Variants in FBXO9 observed in about 807,000 individuals in gnomAD.
FBXO9 encodes F-box protein 9.
Under a neutral mutation model 63.7 loss-of-function variants are expected in FBXO9, and 43 were observed. That is an observed-to-expected ratio of 0.67 (90% CI 0.53 to 0.87). The LOEUF (loss-of-function observed/expected upper bound fraction) is 0.87. Ranked by LOEUF, FBXO9 falls within the 40% of genes least tolerant of loss-of-function variation. FBXO9 has a pLI of 0.00. For synonymous variants in FBXO9, 156 were observed against 171.7 expected (o/e 0.91, Z 0.72); for missense variants, 442 against 533.2 (o/e 0.83, Z 1.68).
In FBXO9 at chr6:53,073,581, C is replaced by G. The variant is rs371936172; in HGVS notation, c.191C>G (p.Ser64Cys). The change falls in exon 3 of 13, where the codon TCT (serine) becomes TGT (cysteine). Residue 64 changes from serine to cysteine, a missense_variant. Transcript: ENST00000323557. ...CGACCTTGCAGAGCAGCAAGAGGCT[C>G]TCTCCAGAAAACATCGGCAGATACC... is the stretch of plus-strand genomic sequence containing the variant. ...ENRPCRAARG[S>C]LQKTSADTKG... The G allele has an allele frequency of 9.1e-5, 147 of 1,610,800 alleles. No homozygotes were observed. The highest frequency in any genetic ancestry group is 1.2e-4 in the South Asian group (11 of 90,444).
At position 53,065,732 on chromosome 6, in the gene FBXO9, G is replaced by A. The variant is rs1247580272; in HGVS notation, c.-58G>A. On this transcript the variant is annotated 5_prime_UTR_variant, in exon 1 of 13. Transcript: ENST00000323557. ...CGGACACCCAGCACCCCTCCTCCGG[G>A]GGGCGGTGCAGAGGGGGCACGGAGA... is the stretch of plus-strand genomic sequence containing the variant. 2.9e-5 allele frequency: 42 copies of A among 1,428,282 alleles called. No individual in the cohort carries two copies. The highest frequency in any genetic ancestry group is 3.8e-5 in the Non-Finnish European group (41 of 1,091,138). 88.5% of individuals were successfully genotyped at this position (1,428,282 alleles called of 1,614,324 possible). A position where few individuals can be genotyped will look rare whatever the true frequency, so the allele number is the denominator to read the frequency against.
At position 53,097,920 on chromosome 6, in the gene FBXO9, G is replaced by GTT. The variant is rs1763257925; in HGVS notation, c.*91_*92insTT. 7.1e-6 allele frequency: 1 copy of GTT among 139,886 alleles called. No homozygotes were observed. The highest frequency in any genetic ancestry group is 4.4e-5 in the African/African-American group (1 of 22,630). The allele number at this position is 139,886 out of a possible 1,614,324, so 8.7% of individuals were successfully genotyped here. On this transcript the variant is annotated 3_prime_UTR_variant, in exon 13 of 13. Coordinates refer to ENST00000323557, the MANE Select transcript of FBXO9 (RefSeq NM_033480.3). ...AAGTTATAAATGTGTGTGTGTGCGTGTGTGTGTATATATATATATATATAT... is the reference window on the plus strand; with the variant it reads ...AAGTTATAAATGTGTGTGTGTGCGTGTTTGTGTGTATATATATATATATATAT...
chr6:53,094,320 C>G (rs1763142763), intron 11 of FBXO9, among the ~76,000 whole-genome samples: 1 of 152,052 alleles, frequency 6.6e-6, no homozygotes, highest in Admixed American at 6.6e-5. Flanking sequence ...CCTAAATTAG[C>G]TCATATAGAT....
intron 7 of FBXO9, 135 bp downstream of exon 7, chr6:53,082,753 T>A (rs1769356271): frequency 1.6e-6 from 1 of 615,164 alleles, no homozygotes; most frequent in East Asian, 2.8e-5. Flanking sequence ...TTTGCTAAGC[T>A]GTACTTAACT....
chr6:53,072,683 C>T (rs1768963260), intron 2 of FBXO9, among the ~76,000 whole-genome samples: 1 of 152,062 alleles, frequency 6.6e-6, no homozygotes, highest in South Asian at 2.1e-4. Flanking sequence ...GGCAACACAC[C>T]AGAGTCTACC....
chr6:53,071,163 T>C lies in FBXO9; in HGVS notation c.90+20T>C, dbSNP rs1480224694. The C allele has an allele frequency of 6.5e-7, 1 of 1,545,894 alleles. No homozygotes were observed. Among genetic ancestry groups the C allele is most frequent in the African/African-American group, 1.4e-5 (1 of 73,050 alleles). ...CTGCAGGCATGTTTCTTCAATTGTG[T>C]CTTTGATTTTTATTCCATTGTTCCC... On this transcript the variant is annotated intron_variant, in intron 2 of 12. Coordinates refer to ENST00000323557, the MANE Select transcript of FBXO9 (RefSeq NM_033480.3).
At chr6:53,094,639 G>T in intron 11 of FBXO9, 1 of 233,374 alleles carries the variant, frequency 4.3e-6, no homozygotes, top group South Asian at 4.1e-5. Flanking sequence ...TACAGCTTTT[G>T]AAGGATATTT....
intron 11 of FBXO9, among the ~76,000 whole-genome samples, chr6:53,094,395 A>G (rs1341941341): frequency 6.6e-6 from 1 of 152,074 alleles, no homozygotes; most frequent in Non-Finnish European, 1.5e-5. Flanking sequence ...ACTTCAGATA[A>G]TTTTCTTCTT....
intron 6 of FBXO9, among the ~76,000 whole-genome samples, chr6:53,081,813 A>C (rs1048739354): frequency 1.3e-5 from 2 of 152,188 alleles, no homozygotes; most frequent in African/African-American, 2.4e-5. Flanking sequence ...TCACGCCTGC[A>C]ATCTCAGCAT....
intron 7 of FBXO9, among the ~76,000 whole-genome samples, chr6:53,088,820 T>A (rs1481903884): frequency 5.3e-5 from 8 of 152,064 alleles, no homozygotes; most frequent in Non-Finnish European, 1.2e-4. Flanking sequence ...GCCTGGCCTC[T>A]AACTCCCAAC....
Position 53,065,495 on chromosome 6 carries a change from C to T in FBXO9, c.-295C>T. The T allele has an allele frequency of 5.5e-6, 2 of 363,628 alleles. No homozygotes were observed. The highest frequency in any genetic ancestry group is 9.8e-6 in the Non-Finnish European group (2 of 203,072). 22.5% of individuals were successfully genotyped at this position (363,628 alleles called of 1,614,324 possible). On this transcript the variant is annotated 5_prime_UTR_variant, in exon 1 of 13. Coordinates refer to ENST00000323557, the MANE Select transcript of FBXO9 (RefSeq NM_033480.3). ...CCAGTAGGGCTGACGCTCCGGTGCT[C>T]GCACAATCCCCCGCCTCGGCTGGCA... is the stretch of plus-strand genomic sequence containing the variant.
chr6:53,080,838 A>T, intron 5 of FBXO9, 130 bp from the exon 6 acceptor site: 1 of 905,854 alleles, frequency 1.1e-6, no homozygotes. Flanking sequence ...ACATTTAAAA[A>T]TGTATCACAT....
At chr6:53,071,204 T>C (rs1768903626) in intron 2 of FBXO9, 61 bp downstream of exon 2, 1 of 1,458,508 alleles carries the variant, frequency 6.9e-7, no homozygotes. Flanking sequence ...TATGCAGAAA[T>C]TGATCATAAT....
In FBXO9 at chr6:53,098,198, G is replaced by A; in HGVS notation, c.*368G>A. ...ATTTCTGTCACATAAGTCGTCTTCTGCTTGAGTATCCTAATATTTCAATGC... is the reference window on the plus strand; with the variant it reads ...ATTTCTGTCACATAAGTCGTCTTCTACTTGAGTATCCTAATATTTCAATGC... On this transcript the variant is annotated 3_prime_UTR_variant, in exon 13 of 13. Transcript: ENST00000323557. The A allele has an allele frequency of 2.7e-6, 1 of 368,668 alleles. No individual in the cohort carries two copies. The highest frequency in any genetic ancestry group is 5.6e-6 in the Non-Finnish European group (1 of 177,518). The allele number at this position is 368,668 out of a possible 1,614,324, so 22.8% of individuals were successfully genotyped here. A position where few individuals can be genotyped will look rare whatever the true frequency, so the allele number is the denominator to read the frequency against.
intron 6 of FBXO9, 140 bp downstream of exon 6, chr6:53,081,238 T>C: frequency 1.2e-6 from 1 of 838,110 alleles, no homozygotes; most frequent in South Asian, 1.8e-5. Flanking sequence ...AATTATCATT[T>C]GCATATACTA....
intron 7 of FBXO9, among the ~76,000 whole-genome samples, chr6:53,086,680 C>T (rs1157105768): frequency 6.6e-6 from 1 of 152,160 alleles, no homozygotes; most frequent in Non-Finnish European, 1.5e-5. Flanking sequence ...TAGGAAGTTT[C>T]CTGGTTACAT....
intron 7 of FBXO9, among the ~76,000 whole-genome samples, 153 bp downstream of exon 7, chr6:53,082,771 A>G (rs1323660525): frequency 1.3e-5 from 2 of 152,236 alleles, no homozygotes; most frequent in African/African-American, 4.8e-5. Flanking sequence ...ACTTTCTCAA[A>G]TAACTTAGAA....
intron 7 of FBXO9, among the ~76,000 whole-genome samples, chr6:53,088,739 C>T (rs987137992): frequency 1.3e-5 from 2 of 151,568 alleles, no homozygotes; most frequent in African/African-American, 4.9e-5. Context: ...GCCGAGATTA[C>T]AGGCATGCAC....
chr6:53,068,734 CCTGCAT>C (rs936756857), intron 1 of FBXO9, among the ~76,000 whole-genome samples: 1 of 148,880 alleles, frequency 6.7e-6, no homozygotes, highest in African/African-American at 2.5e-5. Context: ...CTCACTGCAA[CCTGCAT>C]CTCCCAGGCT....
Sources: allele counts gnomAD v4.1 joint callset (sites outside exome capture counted in the v4.1 genomes callset), GRCh38; gene constraint gnomAD v4.1.1; transcripts MANE v1.5; gene names NCBI Gene and HGNC (gene_info 2026-07-23, HGNC 2026-07-21).